MYL10: variants seen among roughly 807,000 people sequenced by gnomAD.
The protein encoded by MYL10 is myosin light chain 10.
A neutral mutation model predicts 21.9 loss-of-function variants in MYL10; 18 were observed. The ratio of observed to expected loss-of-function variants is 0.82; its 90% CI spans 0.57 to 1.22. MYL10 has a LOEUF of 1.22. Among genes scored for constraint, MYL10 ranks in the 50% most tolerant of loss-of-function variants. The probability of loss-of-function intolerance (pLI) is 0.00; values close to 1 mark genes in which losing one functional copy is unlikely to be tolerated. For synonymous variants in MYL10, 88 were observed against 82.8 expected, an observed-to-expected ratio of 1.06 and a Z score of -0.34; for missense variants, 225 against 230.4, an observed-to-expected ratio of 0.98 and a Z score of 0.15.
chr7:101,613,859 C>A (rs570172969), intron 6 of MYL10, 149 bp from the exon 7 acceptor site: 15 of 727,830 alleles, frequency 2.1e-5, no homozygotes, highest in Admixed American at 4.9e-5. Flanking sequence ...CCAGCCCCCC[C>A]GATGGCCAAG....
chr7:101,624,139 C>A lies in MYL10; in HGVS notation c.171+33G>T, dbSNP rs77240855. 3.4e-3 allele frequency: 4,797 copies of A among 1,400,292 alleles called. 128 individuals are homozygous for A. The African/African-American group carries it at 0.06, about 17-fold the overall frequency. 86.7% of individuals were successfully genotyped at this position (1,400,292 alleles called of 1,614,324 possible). On this transcript the variant is annotated intron_variant, in intron 2 of 7. Coordinates refer to ENST00000223167, the MANE Select transcript of MYL10 (RefSeq NM_138403.5). ...AGCAACTGGCATGCATTCCAAGAATCCTCATAACAGCCCCATGGGGCAGCA... is the reference window on the plus strand; with the variant it reads ...AGCAACTGGCATGCATTCCAAGAATACTCATAACAGCCCCATGGGGCAGCA...
At chr7:101,613,854 C>G (rs536603567) in intron 6 of MYL10, 144 bp from the exon 7 acceptor site, 27 of 753,140 alleles carry the variant, frequency 3.6e-5, no homozygotes, top group Admixed American at 1.2e-4. Flanking sequence ...CCCTGCCAGC[C>G]CCCCCGATGG....
At position 101,622,068 on chromosome 7, in the gene MYL10, C is replaced by T. The variant is rs531284900; in HGVS notation, c.454+28G>A. The T allele has an allele frequency of 5.1e-6, 8 of 1,564,170 alleles. No homozygotes were observed. The African/African-American group carries it at 9.5e-5, about 19-fold the overall frequency. On this transcript the variant is annotated intron_variant, in intron 5 of 7. Coordinates refer to ENST00000223167, the MANE Select transcript of MYL10 (RefSeq NM_138403.5). ...CGTCCCCCTGCCATTCCCTGCTGCC[C>T]CTCCAGGACTCCAGGAGCCTGGCTC...
chr7:101,623,102 C>A (rs1283495267), intron 3 of MYL10, 30 bp from the exon 4 acceptor site: 2 of 1,603,018 alleles, frequency 1.2e-6, no homozygotes, highest in Admixed American at 3.3e-5. Flanking sequence ...TAAGTAGTCA[C>A]CTGCCCTTCC....
chr7:101,624,857 G>A (rs1796726246), intron 1 of MYL10, among the ~76,000 whole-genome samples: 1 of 151,928 alleles, frequency 6.6e-6, no homozygotes. Context: ...TCTATCTAGA[G>A]ACTCCTACCC....
intron 1 of MYL10, among the ~76,000 whole-genome samples, chr7:101,626,175 T>G (rs1796743729): frequency 6.6e-6 from 1 of 152,182 alleles, no homozygotes; most frequent in Admixed American, 6.5e-5. Context: ...TCCGTGATGT[T>G]AAGAAATTCA....
At chr7:101,621,588 T>C (rs928133579) in intron 5 of MYL10, among the ~76,000 whole-genome samples, 1 of 131,986 alleles carries the variant, frequency 7.6e-6, no homozygotes, top group Non-Finnish European at 1.7e-5. Flanking sequence ...GTTTAGTTTT[T>C]ATGGTTGTTG....
chr7:101,621,833 G>A (rs1261435642), intron 5 of MYL10, among the ~76,000 whole-genome samples: 2 of 152,014 alleles, frequency 1.3e-5, no homozygotes, highest in Admixed American at 6.5e-5. Flanking sequence ...CAAACCGCCC[G>A]CCTCAGTCTC....
In MYL10 at chr7:101,616,288, T is replaced by C; in HGVS notation, c.465A>G (p.Pro155=). 1.2e-6 allele frequency: 2 copies of C among 1,613,992 alleles called. No individual in the cohort carries two copies. Among genetic ancestry groups the C allele is most frequent in the South Asian group, 1.1e-5 (1 of 91,068 alleles). The change falls in exon 6 of 8, where the codon CCA becomes CCG. Residue 155 remains proline, a synonymous_variant. Coordinates refer to ENST00000223167, the MANE Select transcript of MYL10 (RefSeq NM_138403.5). ...MFGEKLKGTD[P]EETILHAFKV... ...TGAAGGCGTGGAGAATGGTCTCCTC[T>C]GGGTCCGTGCCTATAAGCAGCACAT...
chr7:101,619,212 A>G (rs1054953563), intron 5 of MYL10, among the ~76,000 whole-genome samples: 1 of 152,074 alleles, frequency 6.6e-6, no homozygotes, highest in Non-Finnish European at 1.5e-5. Context: ...GGAGTCACAC[A>G]TGTCTTTTCC....
rs1360419278 is a variant in MYL10, at chr7:101,613,540, C to A, written c.616G>T (p.Val206Leu). The change falls in exon 8 of 8, where the codon GTG (valine) becomes TTG (leucine). Residue 206 changes from valine to leucine, a missense_variant. Coordinates refer to ENST00000223167, the MANE Select transcript of MYL10 (RefSeq NM_138403.5). Reference protein sequence around the residue: ...KQMFAAFPPDVCGNLDYRNLC... With the variant: ...KQMFAAFPPDLCGNLDYRNLC... ...TTTCTGTAGTCCAGGTTGCCGCACA[C>A]ATCTGGGGGAAATGCTGCAAACATC... The A allele has an allele frequency of 2.5e-6, 4 of 1,614,180 alleles. No homozygotes were observed. The highest frequency in any genetic ancestry group is 3.4e-6 in the Non-Finnish European group (4 of 1,180,044).
chr7:101,613,885 G>A (rs997199002), intron 6 of MYL10, among the ~76,000 whole-genome samples, 175 bp from the exon 7 acceptor site: 2 of 152,022 alleles, frequency 1.3e-5, no homozygotes, highest in African/African-American at 2.4e-5. Context: ...TCTGAACCTC[G>A]GTTTTCTCCT....
At chr7:101,617,405 A>G (rs1218316696) in intron 5 of MYL10, among the ~76,000 whole-genome samples, 2 of 152,234 alleles carry the variant, frequency 1.3e-5, no homozygotes, top group East Asian at 3.8e-4. Flanking sequence ...GGTTTATCAT[A>G]GAAAAAACAG....
rs771339974 is a variant in MYL10, at chr7:101,613,446, C to T, written c.*29G>A. ...CACACCCCACAACAGTGTTTGCTGC[C>T]CCTGAATGTCGGGGAGACTTGTGAT... On this transcript the variant is annotated 3_prime_UTR_variant, in exon 8 of 8. Coordinates refer to ENST00000223167, the MANE Select transcript of MYL10 (RefSeq NM_138403.5). 8 of 1,587,358 alleles carry T rather than the reference C, an allele frequency of 5.0e-6. No individual in the cohort carries two copies. The South Asian group carries it at 8.8e-5, about 18-fold the overall frequency.
At chr7:101,623,679 A>G (rs1262516747) in intron 3 of MYL10, among the ~76,000 whole-genome samples, 1 of 140,596 alleles carries the variant, frequency 7.1e-6, no homozygotes, top group African/African-American at 2.7e-5. Context: ...TGGGTAACAG[A>G]GCAAGACCCT....
At chr7:101,623,205 G>T (rs1236687958) in intron 3 of MYL10, 133 bp from the exon 4 acceptor site, 13 of 688,340 alleles carry the variant, frequency 1.9e-5, no homozygotes, top group Non-Finnish European at 3.2e-5. Flanking sequence ...GCTGGGATGG[G>T]CTCCATCCCC....
chr7:101,622,201 C>G lies in MYL10; in HGVS notation c.350-1G>C, dbSNP rs541850361. 1.4e-5 allele frequency: 22 copies of G among 1,611,328 alleles called. No homozygotes were observed. The South Asian group carries it at 2.3e-4, about 17-fold the overall frequency. On this transcript the variant is annotated splice_acceptor_variant, in intron 4 of 7. Transcript: ENST00000223167. LOFTEE classifies it high-confidence loss of function. Reference sequence around the variant, plus strand: ...TCCTCGTTCTTGACATTGATGCGGCCTGTGGGAGGTGAGAGGTGGGGGCAG... The same window carrying G: ...TCCTCGTTCTTGACATTGATGCGGCGTGTGGGAGGTGAGAGGTGGGGGCAG...
At chr7:101,627,372 C>T (rs547740079) in intron 1 of MYL10, 2,617 of 147,078 alleles carry the variant, frequency 0.018, 40 homozygotes, top group Non-Finnish European at 0.029. Flanking sequence ...GGGAGGGGAC[C>T]GCAGTGCTGA....
chr7:101,621,211 T>A (rs1796673458), intron 5 of MYL10, among the ~76,000 whole-genome samples: 1 of 152,090 alleles, frequency 6.6e-6, no homozygotes, highest in African/African-American at 2.4e-5. Flanking sequence ...TGCCTAATGC[T>A]GTGTCTCGGG....
Sources: allele counts gnomAD v4.1 joint callset (sites outside exome capture counted in the v4.1 genomes callset), GRCh38; gene constraint gnomAD v4.1.1; transcripts MANE v1.5; gene names NCBI Gene and HGNC (gene_info 2026-07-23, HGNC 2026-07-21).